ACVR1: variants seen among roughly 807,000 people sequenced by gnomAD.
The protein encoded by ACVR1 is activin receptor type-1.
ACVR1 carries 38 observed loss-of-function variants against 57.1 expected under a neutral mutation model. The ratio of observed to expected loss-of-function variants is 0.67; its 90% confidence interval spans 0.51 to 0.87. The LOEUF (loss-of-function observed/expected upper bound fraction) is 0.87. Among genes scored for constraint, ACVR1 ranks in the 40% least tolerant of loss-of-function variants. ACVR1 has a pLI of 0.00. For missense variants in ACVR1, 463 were observed against 638.2 expected, an observed-to-expected ratio of 0.73 and a Z score of 2.96; for synonymous variants, 212 against 228.1, an observed-to-expected ratio of 0.93 and a Z score of 0.63.
At chr2:157,869,220 A>C (rs1690036375) in intron 1 of ACVR1, among the ~76,000 whole-genome samples, 1 of 152,230 alleles carries the variant, frequency 6.6e-6, no homozygotes, top group Non-Finnish European at 1.5e-5. Context: ...AGCTGGTCCA[A>C]ATCACGTATT....
chr2:157,794,832 A>T (rs1033568962), intron 3 of ACVR1, among the ~76,000 whole-genome samples: 6 of 152,112 alleles, frequency 3.9e-5, no homozygotes, highest in Non-Finnish European at 2.9e-5. Context: ...TGCCCAGAGC[A>T]TTTAGGATTC....
Position 157,832,365 on chromosome 2 carries a change from A to C in ACVR1, c.-182-13806T>G, listed in dbSNP as rs923908204. ...ACACGTGAGGTATCAGAAGAAACTA[A>C]CAGGAAAGACAAAAACGAGAAAGGA... On this transcript the variant is annotated intron_variant, in intron 1 of 10. Transcript: ENST00000434821. 7.2e-5 allele frequency among the ~76,000 whole-genome samples: 11 copies of C among 152,232 alleles called. 1 individual carries two copies. Among genetic ancestry groups the C allele is most frequent in the Admixed American group, 7.2e-4 (11 of 15,284 alleles).
At chr2:157,785,186 A>G (rs1294434419) in intron 3 of ACVR1, among the ~76,000 whole-genome samples, 1 of 152,230 alleles carries the variant, frequency 6.6e-6, no homozygotes, top group Non-Finnish European at 1.5e-5. Flanking sequence ...TGAATTTTTT[A>G]CAAGTTCACC....
chr2:157,802,266 T>G (rs532530337), intron 2 of ACVR1, among the ~76,000 whole-genome samples: 27 of 152,228 alleles, frequency 1.8e-4, no homozygotes, highest in Middle Eastern at 6.8e-3. Context: ...AAGGCACTTC[T>G]ATTGAGGTGC....
chr2:157,839,189 T>C (rs1464821320), intron 1 of ACVR1, among the ~76,000 whole-genome samples: 1 of 152,212 alleles, frequency 6.6e-6, no homozygotes, highest in Non-Finnish European at 1.5e-5. Flanking sequence ...CAGTCTGTTG[T>C]TAATGACAGT....
At position 157,780,570 on chromosome 2, in the gene ACVR1, T is replaced by A. The variant is rs1686470351; in HGVS notation, c.98A>T (p.Tyr33Phe). Residue 33 changes from tyrosine (Y) to phenylalanine (F), a missense_variant, in exon 4 of 11, where the codon TAC (tyrosine) becomes TTC (phenylalanine). Tyr to Phe is a conservative substitution (Grantham distance 22). Coordinates refer to ENST00000434821, the MANE Select transcript of ACVR1 (RefSeq NM_001111067.4). Reference sequence around the variant, plus strand: ...GGAGAGACCTTCACACACACACATGTAGAGTTTGGGGTTGACCTTGGGCTT... The same window carrying A: ...GGAGAGACCTTCACACACACACATGAAGAGTTTGGGGTTGACCTTGGGCTT... The part of the protein sequence containing the change: ...DEKPKVNPKL[Y>F]MCVCEGLSCG... 1.2e-6 allele frequency: 2 copies of A among 1,612,566 alleles called. No homozygotes were observed. Among genetic ancestry groups the A allele is most frequent in the Non-Finnish European group, 1.7e-6 (2 of 1,179,742 alleles).
chr2:157,795,834 C>G (rs1687094048), intron 3 of ACVR1, among the ~76,000 whole-genome samples: 1 of 152,126 alleles, frequency 6.6e-6, no homozygotes, highest in South Asian at 2.1e-4. Context: ...ACCTCTCCTT[C>G]TCTCCTCATA....
intron 9 of ACVR1, among the ~76,000 whole-genome samples, 188 bp downstream of exon 9, chr2:157,760,692 T>G (rs1685612238): frequency 6.6e-6 from 1 of 152,144 alleles, no homozygotes; most frequent in Non-Finnish European, 1.5e-5. Flanking sequence ...TCACTTACTG[T>G]GGTATATTTC....
chr2:157,750,849 T>C (rs1315182599), intron 9 of ACVR1, among the ~76,000 whole-genome samples: 1 of 151,084 alleles, frequency 6.6e-6, no homozygotes, highest in East Asian at 1.9e-4. Flanking sequence ...ACAAATAAAT[T>C]GGAAAAACAA....
Position 157,833,478 on chromosome 2 carries a change from G to C in ACVR1, c.-182-14919C>G, listed in dbSNP as rs146313813. ...ACTCAAATGAGCAGCTGGGAGTTGA[G>C]TATCACTGAGAGAGACATGGTAAGA... On this transcript the variant is annotated intron_variant, in intron 1 of 10. Transcript: ENST00000434821. Among the ~76,000 whole-genome samples, 563 of 152,348 alleles carry C rather than the reference G, an allele frequency of 3.7e-3. 3 individuals are homozygous for C. Among genetic ancestry groups the C allele is most frequent in the Non-Finnish European group, 5.0e-3 (339 of 68,026 alleles).
At chr2:157,778,363 G>A (rs747346721) in intron 4 of ACVR1, 21 bp from the exon 5 acceptor site, 15 of 1,594,094 alleles carry the variant, frequency 9.4e-6, no homozygotes, top group African/African-American at 2.7e-5. Context: ...AGGGAAAAGG[G>A]GGAATTAGTT....
chr2:157,770,322 G>A (rs769788431), intron 7 of ACVR1, 46 bp downstream of exon 7: 4 of 1,606,684 alleles, frequency 2.5e-6, no homozygotes, highest in Non-Finnish European at 3.4e-6. Context: ...GCAGACAATT[G>A]TTTCTCCCTA....
chr2:157,738,285 C>T (rs1444382639), intron 10 of ACVR1, among the ~76,000 whole-genome samples, 155 bp downstream of exon 10: 1 of 152,168 alleles, frequency 6.6e-6, no homozygotes, highest in Non-Finnish European at 1.5e-5. Flanking sequence ...TCTGAACTTA[C>T]TCTTCTAGAT....
At chr2:157,861,625 T>C (rs1019507406) in intron 1 of ACVR1, among the ~76,000 whole-genome samples, 4 of 152,186 alleles carry the variant, frequency 2.6e-5, no homozygotes, top group Non-Finnish European at 5.9e-5. Context: ...GAACCACCAT[T>C]TCACCTCTAA....
chr2:157,797,712 G>A lies in ACVR1; in HGVS notation c.67+1715C>T, dbSNP rs562970914. On this transcript the variant is annotated intron_variant, in intron 3 of 10. Transcript: ENST00000434821. The stretch of plus-strand genomic sequence containing the variant: ...ATGGGAAAGTGAGTAATGAAAGTAA[G>A]TAAGCAAGGGTCAGAGATGCCAAAG... Among the ~76,000 whole-genome samples the A allele has an allele frequency of 5.9e-5, 9 of 152,316 alleles. No individual in the cohort carries two copies. In the South Asian group the frequency reaches 1.9e-3, roughly 32 times the overall value.
chr2:157,823,786 A>G (rs1360263692), intron 1 of ACVR1, among the ~76,000 whole-genome samples: 1 of 152,164 alleles, frequency 6.6e-6, no homozygotes, highest in Non-Finnish European at 1.5e-5. Flanking sequence ...GTCCATCAAA[A>G]TCCCTTTCAT....
intron 3 of ACVR1, among the ~76,000 whole-genome samples, chr2:157,793,834 C>T (rs1428392497): frequency 6.6e-6 from 1 of 152,166 alleles, no homozygotes; most frequent in Non-Finnish European, 1.5e-5. Context: ...GTAACCCTAA[C>T]AAAAAGTCCA....
intron 9 of ACVR1, among the ~76,000 whole-genome samples, chr2:157,744,540 A>G (rs1684889887): frequency 6.6e-6 from 1 of 152,224 alleles, no homozygotes. Context: ...ATTAACTTTG[A>G]AAAGAGTTAG....
chr2:157,838,109 T>C (rs1688852780), intron 1 of ACVR1: 1 of 152,050 alleles, frequency 6.6e-6, no homozygotes, highest in Non-Finnish European at 1.5e-5. Context: ...CCACACACAC[T>C]CTTTAATCCA....
Sources: allele counts gnomAD v4.1 joint callset (sites outside exome capture counted in the v4.1 genomes callset), GRCh38; gene constraint gnomAD v4.1.1; transcripts MANE v1.5; gene names NCBI Gene and HGNC (gene_info 2026-07-23, HGNC 2026-07-21).